The following CCDC85A variants were observed in gnomAD, a reference collection of about 807,000 sequenced individuals.
CCDC85A encodes coiled-coil domain containing 85A.
Under a neutral mutation model 50.2 loss-of-function variants are expected in CCDC85A, and 38 were observed. The observed-to-expected ratio is 0.76, with a 90% CI of 0.58 to 0.99. The LOEUF is 0.99. CCDC85A is among the 50% of genes least tolerant of loss of function. The pLI is 0.00. For synonymous variants in CCDC85A, 366 were observed against 301.4 expected (o/e 1.21, Z -2.22); for missense variants, 820 against 742.0 (o/e 1.11, Z -1.22).
At chr2:56,370,741 G>T (rs1292237866) in intron 3 of CCDC85A, among the ~76,000 whole-genome samples, 1 of 151,944 alleles carries the variant, frequency 6.6e-6, no homozygotes, top group Non-Finnish European at 1.5e-5. Context: ...AGATTTCATG[G>T]GTATGATGAT....
intron 2 of CCDC85A, among the ~76,000 whole-genome samples, chr2:56,248,093 A>G (rs1669589215): frequency 6.6e-6 from 1 of 152,196 alleles, no homozygotes; most frequent in African/African-American, 2.4e-5. Flanking sequence ...TATAAGTGAT[A>G]TTACCCGGAT....
rs144415500 is a variant in CCDC85A, at chr2:56,261,963, G to A, written c.1240+68523G>A. On this transcript the variant is annotated intron_variant, in intron 2 of 5. Transcript: ENST00000407595. Reference sequence around the variant, plus strand: ...TTAGGATCCAGTGTCCAGGTGGGCCGCAGTGAAAGAGCTAATGAAAGGCAT... The same window carrying A: ...TTAGGATCCAGTGTCCAGGTGGGCCACAGTGAAAGAGCTAATGAAAGGCAT... Among the ~76,000 whole-genome samples the A allele has an allele frequency of 6.6e-5, 10 of 152,274 alleles. No individual in the cohort carries two copies. In the East Asian group the frequency reaches 1.4e-3, roughly 21 times the overall value.
At chr2:56,354,533 T>C (rs897998009) in intron 3 of CCDC85A, among the ~76,000 whole-genome samples, 14 of 152,236 alleles carry the variant, frequency 9.2e-5, no homozygotes, top group Admixed American at 4.6e-4. Context: ...GGCCTTTCTT[T>C]AGATTTTCTG....
intron 3 of CCDC85A, among the ~76,000 whole-genome samples, chr2:56,359,649 A>G (rs750249522): frequency 2.0e-5 from 3 of 152,236 alleles, no homozygotes; most frequent in Non-Finnish European, 2.9e-5. Flanking sequence ...GAAGAAAACC[A>G]TTTCTGGCTA....
intron 2 of CCDC85A, among the ~76,000 whole-genome samples, chr2:56,212,598 A>G (rs780825129): frequency 2.0e-5 from 3 of 152,064 alleles, no homozygotes; most frequent in Non-Finnish European, 4.4e-5. Flanking sequence ...TCTTGATTAT[A>G]TATTTGTGTG....
In CCDC85A at chr2:56,375,902, C is replaced by T. The variant is rs747180180; in HGVS notation, c.1539C>T (p.Ser513=). ...AASFSGHATP[S]QQPEPVVHSL... ...GCTTCAGTGGACATGCCACACCTTC[C>T]CAGCAGCCTGAACCTGTGGTACATT... Residue 513 remains serine, a synonymous_variant, in exon 5 of 6, where the codon TCC becomes TCT. Transcript: ENST00000407595. 1.2e-6 allele frequency: 2 copies of T among 1,613,710 alleles called. No homozygotes were observed. The highest frequency in any genetic ancestry group is 2.7e-5 in the African/African-American group (2 of 74,910).
At chr2:56,233,039 G>C (rs1042742559) in intron 2 of CCDC85A, among the ~76,000 whole-genome samples, 2 of 152,108 alleles carry the variant, frequency 1.3e-5, no homozygotes, top group Non-Finnish European at 2.9e-5. Context: ...CCTTCTCCCT[G>C]TAAGGCCTGT....
chr2:56,357,720 T>G (rs567534508), intron 3 of CCDC85A, among the ~76,000 whole-genome samples: 1 of 144,128 alleles, frequency 6.9e-6, no homozygotes, highest in East Asian at 2.2e-4. Context: ...GAAATGGACC[T>G]TTCTTTCTGT....
At chr2:56,219,527 T>A (rs1668228976) in intron 2 of CCDC85A, among the ~76,000 whole-genome samples, 1 of 151,728 alleles carries the variant, frequency 6.6e-6, no homozygotes, top group East Asian at 1.9e-4. Flanking sequence ...ACAAATCCCA[T>A]CTTTCCTTTG....
chr2:56,212,235 G>A (rs1465618920), intron 2 of CCDC85A, among the ~76,000 whole-genome samples: 1 of 152,026 alleles, frequency 6.6e-6, no homozygotes, highest in Non-Finnish European at 1.5e-5. Flanking sequence ...GCATTCCATA[G>A]TATTTATCCC....
At chr2:56,241,318 T>C (rs144222609) in intron 2 of CCDC85A, among the ~76,000 whole-genome samples, 6 of 152,314 alleles carry the variant, frequency 3.9e-5, no homozygotes, top group African/African-American at 1.4e-4. Flanking sequence ...TCGTTTGTGT[T>C]ACAAACAATC....
chr2:56,283,938 T>C (rs1370340921), intron 2 of CCDC85A, among the ~76,000 whole-genome samples: 1 of 152,120 alleles, frequency 6.6e-6, no homozygotes, highest in Non-Finnish European at 1.5e-5. Flanking sequence ...CTTGTCTTTT[T>C]CCATAGCTTC....
chr2:56,338,452 G>A (rs1227530499), intron 2 of CCDC85A, among the ~76,000 whole-genome samples: 1 of 152,092 alleles, frequency 6.6e-6, no homozygotes, highest in East Asian at 1.9e-4. Flanking sequence ...AGCGGATGTG[G>A]TCAATGTGTT....
intron 3 of CCDC85A, among the ~76,000 whole-genome samples, chr2:56,355,641 T>G (rs896355310): frequency 1.3e-5 from 2 of 152,206 alleles, no homozygotes; most frequent in African/African-American, 4.8e-5. Context: ...ATAAGACAGC[T>G]CACCTCTTCA....
At chr2:56,322,973 G>T (rs533812767) in intron 2 of CCDC85A, among the ~76,000 whole-genome samples, 23 of 152,246 alleles carry the variant, frequency 1.5e-4, no homozygotes, top group African/African-American at 5.3e-4. Context: ...CATAAAAAAG[G>T]ATGAGTTCAT....
At chr2:56,269,654 C>T (rs544919407) in intron 2 of CCDC85A, among the ~76,000 whole-genome samples, 9 of 152,214 alleles carry the variant, frequency 5.9e-5, no homozygotes, top group East Asian at 5.8e-4. Context: ...ATTCAGTTGT[C>T]GTAAGTCAAG....
intron 2 of CCDC85A, among the ~76,000 whole-genome samples, chr2:56,290,141 C>G (rs1250342826): frequency 1.3e-5 from 2 of 152,170 alleles, no homozygotes; most frequent in Non-Finnish European, 2.9e-5. Flanking sequence ...GCTGACATTT[C>G]AATTGTAGTG....
intron 1 of CCDC85A, among the ~76,000 whole-genome samples, chr2:56,190,283 TA>T (rs1676241864): frequency 6.6e-6 from 1 of 152,176 alleles, no homozygotes; most frequent in Non-Finnish European, 1.5e-5. Flanking sequence ...GTTTCATCCT[TA>T]CCAAACTACA....
intron 1 of CCDC85A, among the ~76,000 whole-genome samples, chr2:56,188,436 G>T (rs1040426249): frequency 6.6e-6 from 1 of 152,198 alleles, no homozygotes; most frequent in African/African-American, 2.4e-5. Context: ...CATTAGCTCC[G>T]TGAAGCCGAG....
Sources: gnomAD v4.1 joint callset for allele counts (sites outside exome capture counted in the v4.1 genomes callset) on GRCh38, gnomAD v4.1.1 for gene constraint, MANE v1.5 for transcripts, NCBI Gene and HGNC (gene_info 2026-07-23, HGNC 2026-07-21) for gene names.